Variants in THSD7B observed in about 807,000 individuals in gnomAD.
THSD7B encodes thrombospondin type-1 domain-containing protein 7B.
A neutral mutation model predicts 213.6 loss-of-function variants in THSD7B; 138 were observed. The observed-to-expected ratio is 0.65, with a 90% confidence interval of 0.56 to 0.74. The LOEUF (loss-of-function observed/expected upper bound fraction) is 0.74, where lower values mean the gene tolerates loss of function less well. Ranked by LOEUF, THSD7B falls within the 30% of genes least tolerant of loss-of-function variation. The probability of loss-of-function intolerance (pLI) is 0.00; values close to 1 mark genes in which losing one functional copy is unlikely to be tolerated. For missense variants in THSD7B, 1,931 were observed against 1,991.5 expected (o/e 0.97, Z 0.58); for synonymous variants, 742 against 687.0 (o/e 1.08, Z -1.25).
intron 2 of THSD7B, chr2:136,990,787 A>G: frequency 1.0e-5 from 8 of 799,004 alleles, no homozygotes; most frequent in South Asian, 7.2e-5. Context: ...GGAGATACTG[A>G]TTAGGACACG....
intron 5 of THSD7B, among the ~76,000 whole-genome samples, chr2:137,126,257 T>C (rs570828179): frequency 6.6e-6 from 1 of 152,314 alleles, no homozygotes; most frequent in South Asian, 2.1e-4. Flanking sequence ...TCTTCCAATA[T>C]AAGGCTGTTT....
intron 15 of THSD7B, among the ~76,000 whole-genome samples, chr2:137,522,627 T>G (rs894347018): frequency 3.3e-5 from 5 of 152,154 alleles, no homozygotes; most frequent in Admixed American, 3.3e-4. Flanking sequence ...TAGTTGCAGC[T>G]CCTCTTGCTC....
At chr2:137,256,670 T>C (rs1436253744) in intron 10 of THSD7B, among the ~76,000 whole-genome samples, 1 of 152,136 alleles carries the variant, frequency 6.6e-6, no homozygotes. Flanking sequence ...TAACCATGAG[T>C]GTGATAAAAT....
intron 1 of THSD7B, among the ~76,000 whole-genome samples, chr2:136,819,327 G>A (rs2104936704): frequency 6.6e-6 from 1 of 152,060 alleles, no homozygotes; most frequent in South Asian, 2.1e-4. Context: ...TTACAATTAG[G>A]ACCTTTGGAG....
intron 2 of THSD7B, among the ~76,000 whole-genome samples, chr2:137,051,296 T>C (rs1687066466): frequency 6.6e-6 from 1 of 152,218 alleles, no homozygotes; most frequent in Non-Finnish European, 1.5e-5. Flanking sequence ...ACACTACTCG[T>C]CAAGTAACAG....
intron 9 of THSD7B, among the ~76,000 whole-genome samples, chr2:137,242,059 C>T (rs1234219365): frequency 4.6e-5 from 7 of 151,892 alleles, no homozygotes; most frequent in African/African-American, 1.2e-4. Context: ...TTTTATAATC[C>T]TTTCTTTTGT....
intron 2 of THSD7B, among the ~76,000 whole-genome samples, chr2:137,005,405 TG>T (rs1382537483): frequency 6.6e-6 from 1 of 152,238 alleles, no homozygotes; most frequent in East Asian, 1.9e-4. Context: ...GGCTCTGCAT[TG>T]CCATCAGTGA....
intron 7 of THSD7B, among the ~76,000 whole-genome samples, chr2:137,182,332 C>T (rs1037772469): frequency 2.6e-5 from 4 of 152,230 alleles, no homozygotes; most frequent in African/African-American, 9.6e-5. Flanking sequence ...GAAATCCTTC[C>T]CTGAATTAAT....
intron 2 of THSD7B, among the ~76,000 whole-genome samples, chr2:136,952,726 C>CT (rs201236761): frequency 4.0e-5 from 6 of 151,888 alleles, no homozygotes; most frequent in East Asian, 1.9e-4. Flanking sequence ...AAGAGGTATT[C>CT]TTTTATTTTT....
At chr2:137,038,767 A>G (rs964471898) in intron 2 of THSD7B, among the ~76,000 whole-genome samples, 1 of 152,212 alleles carries the variant, frequency 6.6e-6, no homozygotes, top group Non-Finnish European at 1.5e-5. Context: ...GGCTCTGCAT[A>G]GCAGGCTATA....
intron 7 of THSD7B, among the ~76,000 whole-genome samples, chr2:137,205,744 G>T (rs958812929): frequency 2.6e-5 from 4 of 151,944 alleles, no homozygotes; most frequent in African/African-American, 7.2e-5. Context: ...CTCTACTTTT[G>T]AATTTAAATA....
intron 7 of THSD7B, among the ~76,000 whole-genome samples, chr2:137,182,690 T>C (rs1420007000): frequency 6.6e-6 from 1 of 152,174 alleles, no homozygotes; most frequent in Non-Finnish European, 1.5e-5. Context: ...CCCTGAAAAT[T>C]ATACTGATGA....
At chr2:137,012,945 T>A (rs1305161670) in intron 2 of THSD7B, among the ~76,000 whole-genome samples, 1 of 152,190 alleles carries the variant, frequency 6.6e-6, no homozygotes, top group Non-Finnish European at 1.5e-5. Flanking sequence ...GAAATGCCCA[T>A]GTGGTGAGAA....
At position 137,056,501 on chromosome 2, in the gene THSD7B, G is replaced by A. The variant is rs1687165085; in HGVS notation, c.221G>A (p.Trp74Ter). 6.2e-7 allele frequency: 1 copy of A among 1,613,946 alleles called. No individual in the cohort carries two copies. Among genetic ancestry groups the A allele is most frequent in the Non-Finnish European group, 8.5e-7 (1 of 1,179,882 alleles). ...GTGTGGTGTTTTCATGTTGACGGGT[G>A]GACAAGTCACCTGTCTAACTGTGGT... ...RAVWCFHVDG[W>*]TSHLSNCGES... is the part of the protein sequence containing the mutation. The change falls in exon 3 of 28, where the codon TGG becomes TAG. Residue 74 changes from tryptophan to a stop codon, truncating the protein, a stop_gained. Transcript: ENST00000409968. LOFTEE classifies it high-confidence loss of function.
At chr2:137,588,748 A>T (rs962049205) in intron 17 of THSD7B, among the ~76,000 whole-genome samples, 1 of 149,760 alleles carries the variant, frequency 6.7e-6, no homozygotes, top group Non-Finnish European at 1.5e-5. Flanking sequence ...TGGTATGTTG[A>T]CTCATGTTGT....
At chr2:137,583,538 G>A (rs1346401667) in intron 17 of THSD7B, among the ~76,000 whole-genome samples, 1 of 152,202 alleles carries the variant, frequency 6.6e-6, no homozygotes, top group African/African-American at 2.4e-5. Context: ...AAGGGATCCA[G>A]TTTCAGCTTT....
At chr2:137,366,199 C>T (rs986051714) in intron 12 of THSD7B, among the ~76,000 whole-genome samples, 1 of 152,042 alleles carries the variant, frequency 6.6e-6, no homozygotes, top group Non-Finnish European at 1.5e-5. Flanking sequence ...AATGAGAATA[C>T]TTGGACACAG....
At chr2:136,815,892 A>T (rs1260379721) in intron 1 of THSD7B, among the ~76,000 whole-genome samples, 2 of 151,510 alleles carry the variant, frequency 1.3e-5, no homozygotes, top group East Asian at 1.9e-4. Flanking sequence ...TTTTATTTTT[A>T]TTTTTTTTCT....
chr2:137,291,164 C>T (rs951329302), intron 12 of THSD7B, among the ~76,000 whole-genome samples: 1 of 152,128 alleles, frequency 6.6e-6, no homozygotes, highest in African/African-American at 2.4e-5. Flanking sequence ...CTTGCTTTCT[C>T]CTTTAACCTG....
Sources: allele counts gnomAD v4.1 joint callset (sites outside exome capture counted in the v4.1 genomes callset), GRCh38; gene constraint gnomAD v4.1.1; transcripts MANE v1.5; gene names NCBI Gene and HGNC (gene_info 2026-07-23, HGNC 2026-07-21).